GALNT13: variants seen among roughly 807,000 people sequenced by gnomAD.
The protein encoded by GALNT13 is polypeptide N-acetylgalactosaminyltransferase 13.
In GALNT13, 28 loss-of-function variants were observed where a neutral mutation model predicts 64.2. The observed-to-expected ratio is 0.44, with a 90% confidence interval of 0.32 to 0.60. The LOEUF (loss-of-function observed/expected upper bound fraction) is 0.60. Ranked by LOEUF, GALNT13 falls within the 20% of genes least tolerant of loss-of-function variation. The probability of loss-of-function intolerance (pLI) is 0.05; values close to 1 mark genes in which losing one functional copy is unlikely to be tolerated. For synonymous variants in GALNT13, 214 were observed against 224.6 expected, an observed-to-expected ratio of 0.95 and a Z score of 0.42; for missense variants, 577 against 669.8, an observed-to-expected ratio of 0.86 and a Z score of 1.53.
the GALNT13 span, among the ~76,000 whole-genome samples, chr2:153,644,963 G>GT: frequency 6.6e-6 from 1 of 152,014 alleles, no homozygotes; most frequent in African/African-American, 2.4e-5. Context: ...TTACGGTCTT[G>GT]TTTTTACTAT....
intron 3 of GALNT13, among the ~76,000 whole-genome samples, chr2:154,122,884 T>C (rs1682034291): frequency 2.0e-5 from 3 of 148,400 alleles, no homozygotes; most frequent in Admixed American, 2.0e-4. Context: ...AGTCACTTCG[T>C]ATTCAAACTG....
intron 3 of GALNT13, among the ~76,000 whole-genome samples, chr2:154,138,632 CTGTTTA>C (rs1558980145): frequency 6.7e-6 from 1 of 150,148 alleles, no homozygotes; most frequent in Non-Finnish European, 1.5e-5. Flanking sequence ...CCCATGTCAC[CTGTTTA>C]TGTTCTTATT....
intron 2 of GALNT13, among the ~76,000 whole-genome samples, chr2:153,913,207 C>A (rs1007596866): frequency 7.9e-5 from 12 of 152,076 alleles, no homozygotes; most frequent in Non-Finnish European, 1.6e-4. Flanking sequence ...AGTGTCAGTG[C>A]AAGTGGTGGG....
the GALNT13 span, among the ~76,000 whole-genome samples, chr2:153,200,914 G>A: frequency 6.6e-6 from 1 of 152,230 alleles, no homozygotes; most frequent in South Asian, 2.1e-4. Flanking sequence ...AGATGGGACT[G>A]AATCCAGAGG....
At chr2:153,140,306 A>G in the GALNT13 span, among the ~76,000 whole-genome samples, 1 of 152,066 alleles carries the variant, frequency 6.6e-6, no homozygotes, top group African/African-American at 2.4e-5. Context: ...GGAAGGTGGA[A>G]TTGGCAGAGA....
the GALNT13 span, among the ~76,000 whole-genome samples, chr2:153,812,709 T>C: frequency 0.25 from 37,399 of 152,116 alleles, 4,883 homozygotes; most frequent in Non-Finnish European, 0.28. Context: ...CCTCTTTCCT[T>C]TGTTTATCTC....
chr2:153,765,379 G>A, the GALNT13 span, among the ~76,000 whole-genome samples: 6 of 152,308 alleles, frequency 3.9e-5, no homozygotes, highest in South Asian at 1.2e-3. Context: ...GATCATTTTG[G>A]AACTTTAAGG....
At chr2:153,458,208 T>C in the GALNT13 span, among the ~76,000 whole-genome samples, 1 of 151,952 alleles carries the variant, frequency 6.6e-6, no homozygotes. Context: ...CTTATTCCAC[T>C]CTCAAATCCT....
the GALNT13 span, among the ~76,000 whole-genome samples, chr2:153,751,712 T>C: frequency 6.6e-6 from 1 of 151,934 alleles, no homozygotes; most frequent in African/African-American, 2.4e-5. Flanking sequence ...TTAGTCTACT[T>C]GTGTCTTTTT....
chr2:153,145,894 C>A, the GALNT13 span, among the ~76,000 whole-genome samples: 6 of 151,906 alleles, frequency 3.9e-5, no homozygotes, highest in Admixed American at 1.3e-4. Context: ...ATTTCTGGAA[C>A]TCAACATAAT....
chr2:153,346,353 T>C, the GALNT13 span, among the ~76,000 whole-genome samples: 4 of 152,182 alleles, frequency 2.6e-5, no homozygotes, highest in Admixed American at 2.0e-4. Context: ...AGAGACTAGT[T>C]ACAGTACAGG....
At chr2:153,903,511 T>A (rs1275360746) in intron 2 of GALNT13, among the ~76,000 whole-genome samples, 2 of 151,928 alleles carry the variant, frequency 1.3e-5, no homozygotes, top group African/African-American at 4.8e-5. Flanking sequence ...CCATTCTGCT[T>A]CATTGATTCA....
chr2:153,959,269 G>A (rs1169216817), intron 3 of GALNT13, among the ~76,000 whole-genome samples: 1 of 152,090 alleles, frequency 6.6e-6, no homozygotes, highest in African/African-American at 2.4e-5. Flanking sequence ...TGAAAACCTT[G>A]GGGGCAATCA....
the GALNT13 span, among the ~76,000 whole-genome samples, chr2:153,581,105 C>T: frequency 6.6e-6 from 1 of 152,052 alleles, no homozygotes; most frequent in East Asian, 1.9e-4. Flanking sequence ...TATATCCTGT[C>T]TTCATGTCTT....
the GALNT13 span, among the ~76,000 whole-genome samples, chr2:153,864,667 A>T: frequency 6.6e-6 from 1 of 152,090 alleles, no homozygotes. Flanking sequence ...AGAGGATACA[A>T]ACAAATGGAA....
chr2:153,167,866 A>G, the GALNT13 span, among the ~76,000 whole-genome samples: 1 of 152,192 alleles, frequency 6.6e-6, no homozygotes, highest in Non-Finnish European at 1.5e-5. Flanking sequence ...GAAAGGAACA[A>G]AGAGGCTATT....
intron 11 of GALNT13, among the ~76,000 whole-genome samples, chr2:154,435,448 A>C (rs919720100): frequency 1.3e-5 from 2 of 152,168 alleles, no homozygotes; most frequent in African/African-American, 2.4e-5. Flanking sequence ...GAGATGGAAA[A>C]ACAAGCAACA....
At chr2:153,892,697 A>G (rs1212688128) in intron 1 of GALNT13, among the ~76,000 whole-genome samples, 1 of 151,994 alleles carries the variant, frequency 6.6e-6, no homozygotes, top group East Asian at 1.9e-4. Flanking sequence ...CTAAAAACAA[A>G]CTACTAAACA....
At chr2:154,367,883 A>G (rs551211109) in intron 9 of GALNT13, among the ~76,000 whole-genome samples, 2 of 152,222 alleles carry the variant, frequency 1.3e-5, no homozygotes, top group Non-Finnish European at 2.9e-5. Context: ...AACATTTATC[A>G]TGGGAAATGG....
Sources: allele counts gnomAD v4.1 joint callset (sites outside exome capture counted in the v4.1 genomes callset), GRCh38; gene constraint gnomAD v4.1.1; transcripts MANE v1.5; gene names NCBI Gene and HGNC (gene_info 2026-07-23, HGNC 2026-07-21).